TSHZ3: variants seen among roughly 807,000 people sequenced by gnomAD.
TSHZ3 encodes the protein teashirt homolog 3.
TSHZ3 carries 10 observed loss-of-function variants against 64.5 expected under a neutral mutation model. The observed-to-expected ratio is 0.16, with a 90% CI of 0.10 to 0.26. TSHZ3 has a LOEUF of 0.26. Among genes scored for constraint, TSHZ3 ranks in the 10% least tolerant of loss-of-function variants. The pLI is 1.00. For synonymous variants in TSHZ3, 608 were observed against 593.1 expected (o/e 1.03, Z -0.36); for missense variants, 1,242 against 1,421.7 (o/e 0.87, Z 2.03).
chr19:31,153,230 C>T (rs1974263714), intron 6 of TSHZ3, among the ~76,000 whole-genome samples: 1 of 152,188 alleles, frequency 6.6e-6, no homozygotes, highest in Non-Finnish European at 1.5e-5. Context: ...ACCATGATTA[C>T]TGTTCGTCAA....
At chr19:31,206,897 C>T (rs1378075410) in intron 4 of TSHZ3, among the ~76,000 whole-genome samples, 1 of 152,174 alleles carries the variant, frequency 6.6e-6, no homozygotes, top group Non-Finnish European at 1.5e-5. Context: ...GGGATAACCC[C>T]TGCAATCTGC....
At chr19:31,176,242 T>G (rs1034873156) in intron 5 of TSHZ3, among the ~76,000 whole-genome samples, 1 of 152,070 alleles carries the variant, frequency 6.6e-6, no homozygotes, top group African/African-American at 2.4e-5. Flanking sequence ...TGTAGATCCA[T>G]CCGGACCAAA....
chr19:31,348,232 T>C (rs1224730985), intron 1 of TSHZ3, among the ~76,000 whole-genome samples: 1 of 152,106 alleles, frequency 6.6e-6, no homozygotes, highest in Non-Finnish European at 1.5e-5. Context: ...TTGATGTTTA[T>C]TGGGAATGAA....
At chr19:31,209,252 G>A (rs1003898872) in intron 4 of TSHZ3, among the ~76,000 whole-genome samples, 2 of 152,222 alleles carry the variant, frequency 1.3e-5, no homozygotes, top group Non-Finnish European at 1.5e-5. Flanking sequence ...TGAGCAATGA[G>A]TTTGGAGACT....
At chr19:31,292,342 C>T (rs1976581134) in intron 1 of TSHZ3, among the ~76,000 whole-genome samples, 1 of 152,078 alleles carries the variant, frequency 6.6e-6, no homozygotes, top group African/African-American at 2.4e-5. Context: ...TTTATGGAAC[C>T]AAGGAACTCT....
intron 5 of TSHZ3, among the ~76,000 whole-genome samples, chr19:31,181,175 C>CA (rs1422492002): frequency 1.1e-4 from 17 of 152,112 alleles, no homozygotes; most frequent in African/African-American, 4.1e-4. Flanking sequence ...AGCAGAACAG[C>CA]ACCAACTTCC....
At chr19:31,308,367 T>C (rs936840135) in intron 1 of TSHZ3, 13 of 319,198 alleles carry the variant, frequency 4.1e-5, no homozygotes, top group African/African-American at 2.6e-4. Flanking sequence ...CAAGGGTTTA[T>C]TGTGTCCTTA....
chr19:31,315,631 A>G (rs1188600131), intron 1 of TSHZ3, among the ~76,000 whole-genome samples: 1 of 152,246 alleles, frequency 6.6e-6, no homozygotes, highest in African/African-American at 2.4e-5. Flanking sequence ...ATTATGATAA[A>G]CAGAAATAAA....
rs1568367258 is a variant in TSHZ3, at chr19:31,278,669, G to A, written c.1124C>T (p.Ala375Val). Reference protein sequence around the residue: ...RYGHQNGASYAWHFEARKSQI... With the variant: ...RYGHQNGASYVWHFEARKSQI... The stretch of plus-strand genomic sequence containing the variant: ...CGACTTCCGGGCCTCAAAGTGCCAT[G>A]CATAGCTGGCCCCATTCTGGTGGCC... The change falls in exon 2 of 2, where the codon GCA (alanine) becomes GTA (valine). Residue 375 changes from alanine (A) to valine (V), a missense_variant. Ala to Val is a moderately conservative substitution (Grantham distance 64, BLOSUM62 0). Around this residue, in one of 4 missense-constraint regions of TSHZ3, gnomAD observed 555 missense variants for 704.0 expected, o/e 0.79. Transcript: ENST00000240587. This position sits in a 1 kb window ranked among gnomAD's most constrained non-coding sequence, Gnocchi z 4.7. 6.2e-7 allele frequency: 1 copy of A among 1,614,192 alleles called. No individual in the cohort carries two copies. Among genetic ancestry groups the A allele is most frequent in the Non-Finnish European group, 8.5e-7 (1 of 1,180,038 alleles).
intron 1 of TSHZ3, among the ~76,000 whole-genome samples, chr19:31,297,091 C>A (rs1157802421): frequency 5.9e-5 from 9 of 152,204 alleles, no homozygotes; most frequent in African/African-American, 1.4e-4. Context: ...GCACCCCTAA[C>A]CACAGGCAGG....
At position 31,276,302 on chromosome 19, in the gene TSHZ3, TC is replaced by T. The variant is rs1429442718; in HGVS notation, c.*244del. The T allele has an allele frequency of 8.3e-6, 3 of 360,644 alleles. No individual in the cohort carries two copies. The Admixed American group carries it at 1.3e-4, about 16-fold the overall frequency. The allele number at this position is 360,644 out of a possible 1,614,324, so 22.3% of individuals were successfully genotyped here. A position where few individuals can be genotyped will look rare whatever the true frequency, so the allele number is the denominator to read the frequency against. On this transcript the variant is annotated 3_prime_UTR_variant, in exon 2 of 2. Coordinates refer to ENST00000240587, the MANE Select transcript of TSHZ3 (RefSeq NM_020856.4). ...CATCGGGAGGATGCTCACAACTAAA[TC>T]CCGTTTACACAAAGTTCCAAACACT...
upstream of TSHZ3, among the ~76,000 whole-genome samples, chr19:31,349,893 GGGGCGCCGC>G (rs1187181167): frequency 2.0e-5 from 3 of 146,452 alleles, no homozygotes; most frequent in East Asian, 6.2e-4. Context: ...CCCGCCCGCG[GGGGCGCCGC>G]GCCCCCGCCC....
rs903678091 is a variant in TSHZ3, at chr19:31,278,076, G to A, written c.1717C>T (p.Leu573=). 2.5e-6 allele frequency: 4 copies of A among 1,614,080 alleles called. No homozygotes were observed. The highest frequency in any genetic ancestry group is 1.6e-4 in the Middle Eastern group (1 of 6,062). ...SLGSSGKSTP[L]KPMFGNSEIV... is the part of the protein sequence containing the mutation. ...TCACTGTTGCCAAACATGGGTTTCA[G>A]GGGCGTGCTCTTCCCCGACGAGCCC... Residue 573 remains leucine, a synonymous_variant, in exon 2 of 2, where the codon CTG becomes TTG. Transcript: ENST00000240587. This position sits in a 1 kb window ranked among gnomAD's most constrained non-coding sequence, Gnocchi z 4.7.
At chr19:31,261,136 G>C (rs1168065591) in intron 1 of TSHZ3, among the ~76,000 whole-genome samples, 4 of 152,108 alleles carry the variant, frequency 2.6e-5, no homozygotes, top group African/African-American at 9.7e-5. Context: ...GGGTGCTCAG[G>C]GTGCCCAAGG....
At chr19:31,242,419 C>T (rs1975703923) in exon 3 of TSHZ3, among the ~76,000 whole-genome samples, 1 of 152,148 alleles carries the variant, frequency 6.6e-6, no homozygotes, top group Non-Finnish European at 1.5e-5. Context: ...GGCCTGAAAA[C>T]CTGGGGCAGG....
intron 5 of TSHZ3, among the ~76,000 whole-genome samples, chr19:31,170,019 C>A (rs911415551): frequency 1.3e-5 from 2 of 152,170 alleles, no homozygotes; most frequent in African/African-American, 4.8e-5. Context: ...GAATGGCTAA[C>A]AAGCAAGGTG....
At chr19:31,295,490 T>C (rs897697774) in intron 1 of TSHZ3, among the ~76,000 whole-genome samples, 2 of 152,230 alleles carry the variant, frequency 1.3e-5, no homozygotes, top group Admixed American at 6.5e-5. Flanking sequence ...AATCAACTGT[T>C]ATTCAAAACA....
chr19:31,178,540 G>T (rs186731593), intron 5 of TSHZ3, among the ~76,000 whole-genome samples: 1 of 152,178 alleles, frequency 6.6e-6, no homozygotes, highest in Non-Finnish European at 1.5e-5. Flanking sequence ...GTAGCCGGGC[G>T]TGGTGGCACA....
intron 1 of TSHZ3, among the ~76,000 whole-genome samples, chr19:31,332,261 C>T (rs1917118528): frequency 6.6e-6 from 1 of 152,098 alleles, no homozygotes; most frequent in Admixed American, 6.6e-5. Context: ...AGAGACACAA[C>T]CCAGAATGCG....
Sources: gnomAD v4.1 joint callset for allele counts (sites outside exome capture counted in the v4.1 genomes callset) on GRCh38, gnomAD v4.1.1 for gene constraint, gnomAD v4.1.1 regional missense constraint, Gnocchi (gnomAD v3.1) non-coding constraint, MANE v1.5 for transcripts, NCBI Gene and HGNC (gene_info 2026-07-23, HGNC 2026-07-21) for gene names.